CLPB: variants seen among roughly 807,000 people sequenced by gnomAD.
The protein encoded by CLPB is mitochondrial disaggregase.
Under a neutral mutation model 78.4 loss-of-function variants are expected in CLPB, and 40 were observed. The observed-to-expected ratio is 0.51, with a 90% CI of 0.40 to 0.66. CLPB has a LOEUF of 0.66. Among genes scored for constraint, CLPB ranks in the 30% least tolerant of loss-of-function variants. The pLI, the probability that CLPB is intolerant of heterozygous loss-of-function variation, is 0.00. For missense variants in CLPB, 780 were observed against 886.9 expected (o/e 0.88, Z 1.53); for synonymous variants, 333 against 348.0 (o/e 0.96, Z 0.48).
chr11:72,380,443 C>A, intron 3 of CLPB, 59 bp from the exon 4 acceptor site: 2 of 1,355,508 alleles, frequency 1.5e-6, no homozygotes, highest in South Asian at 2.4e-5. Context: ...GAGGTACAGA[C>A]CCAGATCCGG....
At chr11:72,430,425 T>G (rs1414074516) in intron 1 of CLPB, 62 bp from the exon 2 acceptor site, 3 of 1,487,912 alleles carry the variant, frequency 2.0e-6, no homozygotes, top group South Asian at 1.2e-5. Flanking sequence ...CAGGACTGCG[T>G]GGAGGGCCCA....
intron 5 of CLPB, among the ~76,000 whole-genome samples, chr11:72,339,624 G>C (rs1950382443): frequency 6.6e-6 from 1 of 152,168 alleles, no homozygotes; most frequent in African/African-American, 2.4e-5. Flanking sequence ...TCCATTCAAA[G>C]ATATTTTTTT....
Position 72,400,796 on chromosome 11 carries a change from A to G in CLPB, c.542+2170T>C, listed in dbSNP as rs139352386. On this transcript the variant is annotated intron_variant, in intron 3 of 15. Transcript: ENST00000538039. The stretch of plus-strand genomic sequence containing the variant: ...CATACATTACCTTATTTGATTCTCC[A>G]AAGAATATGGTGAGGATCTACTATG... Among the ~76,000 whole-genome samples the G allele has an allele frequency of 2.3e-3, 351 of 152,324 alleles. 1 individual carries two copies. Among genetic ancestry groups the G allele is most frequent in the African/African-American group, 8.0e-3 (334 of 41,566 alleles).
chr11:72,341,318 C>G (rs1022128673), intron 5 of CLPB, among the ~76,000 whole-genome samples: 2 of 152,166 alleles, frequency 1.3e-5, no homozygotes, highest in African/African-American at 4.8e-5. Context: ...GGTTAGAGAT[C>G]TGGTCAGGGC....
At position 72,292,996 on chromosome 11, in the gene CLPB, T is replaced by G; in HGVS notation, c.*371A>C. 1 of 199,262 alleles carries G rather than the reference T, an allele frequency of 5.0e-6. No homozygotes were observed. The highest frequency in any genetic ancestry group is 1.0e-5 in the Non-Finnish European group (1 of 95,694). The allele number at this position is 199,262 out of a possible 1,614,324, so 12.3% of individuals were successfully genotyped here. On this transcript the variant is annotated 3_prime_UTR_variant, in exon 16 of 16. Coordinates refer to ENST00000538039, the MANE Select transcript of CLPB (RefSeq NM_001258392.3). ...GTCCCTGTCTTCTTCCAGCCAGCTG[T>G]GTTCTTAGCTGCCATACTTCTGAGC...
At chr11:72,381,767 C>T (rs1854923678) in intron 3 of CLPB, among the ~76,000 whole-genome samples, 1 of 152,124 alleles carries the variant, frequency 6.6e-6, no homozygotes, top group Non-Finnish European at 1.5e-5. Context: ...GAGCTTTAGG[C>T]CTGCCCTAGC....
intron 3 of CLPB, among the ~76,000 whole-genome samples, chr11:72,390,857 C>A (rs1259996949): frequency 1.3e-5 from 2 of 152,292 alleles, no homozygotes; most frequent in Non-Finnish European, 1.5e-5. Flanking sequence ...AAGGGCAACA[C>A]AAGAAATGGT....
intron 6 of CLPB, 39 bp downstream of exon 6, chr11:72,329,668 T>A (rs1198486651): frequency 7.5e-7 from 1 of 1,331,450 alleles, no homozygotes; most frequent in Middle Eastern, 1.8e-4. Context: ...AAATGATGCA[T>A]GGAGTACCCA....
At chr11:72,413,291 A>G (rs974146422) in intron 2 of CLPB, among the ~76,000 whole-genome samples, 1 of 147,846 alleles carries the variant, frequency 6.8e-6, no homozygotes, top group Admixed American at 6.8e-5. Context: ...ATCCGTCTCG[A>G]AAAAAAAAAA....
intron 3 of CLPB, among the ~76,000 whole-genome samples, chr11:72,381,664 G>GC (rs1854918047): frequency 6.6e-6 from 1 of 152,128 alleles, no homozygotes. Context: ...CAGCCTGACA[G>GC]CCTTAGTTAT....
chr11:72,330,905 T>G (rs1950212609), intron 5 of CLPB, among the ~76,000 whole-genome samples: 1 of 152,188 alleles, frequency 6.6e-6, no homozygotes, highest in Non-Finnish European at 1.5e-5. Context: ...TAGAATGGGC[T>G]GGCTGGGAAA....
intron 11 of CLPB, among the ~76,000 whole-genome samples, chr11:72,298,139 C>T (rs1949589924): frequency 6.6e-6 from 1 of 152,108 alleles, no homozygotes; most frequent in African/African-American, 2.4e-5. Flanking sequence ...GGGGACTAGT[C>T]TCTTTCTGGG....
At chr11:72,385,640 T>C (rs972611226) in intron 3 of CLPB, among the ~76,000 whole-genome samples, 1 of 152,166 alleles carries the variant, frequency 6.6e-6, no homozygotes, top group African/African-American at 2.4e-5. Context: ...CTGGCCAACA[T>C]GGTGAAACCC....
chr11:72,434,436 C>T lies in CLPB; in HGVS notation c.39G>A (p.Ala13=), dbSNP rs572605602. ...TGAGCAGCCGGAGGAGTAGCCGTGG[C>T]GCCAGTGCTTTTCTCCTCAACACCA... is the stretch of plus-strand genomic sequence containing the variant. The part of the protein sequence containing the change: ...GSLVLRRKAL[A]PRLLLRLLRS... Residue 13 remains alanine, a synonymous_variant, in exon 1 of 16, where the codon GCG becomes GCA. Transcript: ENST00000538039. The T allele has an allele frequency of 8.2e-6, 13 of 1,578,510 alleles. No homozygotes were observed. The East Asian group carries it at 2.7e-4, about 33-fold the overall frequency.
chr11:72,341,026 T>C (rs1226941570), intron 5 of CLPB, among the ~76,000 whole-genome samples: 2 of 152,144 alleles, frequency 1.3e-5, no homozygotes, highest in Non-Finnish European at 2.9e-5. Flanking sequence ...GGTTTCACTG[T>C]GTTAGCCAGG....
At chr11:72,304,268 T>A (rs1418161576) in intron 9 of CLPB, 1 of 152,236 alleles carries the variant, frequency 6.6e-6, no homozygotes, top group East Asian at 1.9e-4. Context: ...GAACGGCGTT[T>A]AACATTTTAC....
intron 4 of CLPB, chr11:72,359,248 A>G: frequency 1.5e-6 from 1 of 656,220 alleles, no homozygotes; most frequent in Non-Finnish European, 2.8e-6. Context: ...GGGACATGAA[A>G]TAGATCAGAT....
intron 12 of CLPB, among the ~76,000 whole-genome samples, chr11:72,295,127 T>C (rs1949527170): frequency 1.3e-5 from 2 of 152,178 alleles, no homozygotes; most frequent in South Asian, 2.1e-4. Context: ...TCCACTGCCA[T>C]AGAGTTTTCG....
In CLPB at chr11:72,380,267, C is replaced by G. The variant is rs759587295; in HGVS notation, c.646+14G>C. On this transcript the variant is annotated intron_variant, in intron 4 of 15. Coordinates refer to ENST00000538039, the MANE Select transcript of CLPB (RefSeq NM_001258392.3). The stretch of plus-strand genomic sequence containing the variant: ...GAGGAGAGCTCTCAGAGAAGCAGGA[C>G]AGCCCACACTTACCTTCCAAAGAAT... 7.5e-6 allele frequency: 12 copies of G among 1,591,412 alleles called. No homozygotes were observed. In the African/African-American group the frequency reaches 9.4e-5, roughly 12 times the overall value.
Sources: allele counts gnomAD v4.1 joint callset (sites outside exome capture counted in the v4.1 genomes callset), GRCh38; gene constraint gnomAD v4.1.1; transcripts MANE v1.5; gene names NCBI Gene and HGNC (gene_info 2026-07-23, HGNC 2026-07-21).